PDE6H: variants seen among roughly 807,000 people sequenced by gnomAD.
PDE6H encodes the protein phosphodiesterase 6H.
PDE6H carries 11 observed loss-of-function variants against 9.2 expected under a neutral mutation model. The ratio of observed to expected loss-of-function variants is 1.19; its 90% CI spans 0.75 to 1.97. The LOEUF is 1.97. Ranked by LOEUF, PDE6H falls within the 30% of genes most tolerant of loss-of-function variation. PDE6H has a pLI of 0.00. For missense variants in PDE6H, 98 were observed against 101.5 expected (o/e 0.97, Z 0.15); for synonymous variants, 36 against 33.6 (o/e 1.07, Z -0.25).
chr12:14,976,642 T>C (rs527545709), intron 1 of PDE6H, among the ~76,000 whole-genome samples: 1 of 151,978 alleles, frequency 6.6e-6, no homozygotes, highest in Non-Finnish European at 1.5e-5. Context: ...TGAGCTATGA[T>C]TGCAATTGCA....
intron 1 of PDE6H, among the ~76,000 whole-genome samples, chr12:14,975,834 T>A (rs1453075603): frequency 1.3e-5 from 2 of 150,920 alleles, no homozygotes; most frequent in Non-Finnish European, 3.0e-5. Flanking sequence ...TGTTTTTTTT[T>A]TTTGGAGACG....
intron 1 of PDE6H, among the ~76,000 whole-genome samples, chr12:14,977,374 AAC>A (rs1210772167): frequency 2.0e-5 from 3 of 152,210 alleles, no homozygotes; most frequent in Admixed American, 2.0e-4. Flanking sequence ...ATGCTCAATA[AAC>A]ATTTAGAGTC....
At chr12:14,980,813 C>A (rs1358700265) in intron 3 of PDE6H, among the ~76,000 whole-genome samples, 1 of 152,178 alleles carries the variant, frequency 6.6e-6, no homozygotes. Flanking sequence ...CTAATTATTT[C>A]ATCTTTCTGT....
intron 3 of PDE6H, among the ~76,000 whole-genome samples, chr12:14,980,908 C>T (rs574676853): frequency 1.3e-5 from 2 of 152,222 alleles, no homozygotes; most frequent in East Asian, 1.9e-4. Flanking sequence ...GCTTTGTGAT[C>T]GTTTCTCAAT....
intron 1 of PDE6H, among the ~76,000 whole-genome samples, chr12:14,976,600 G>GT (rs1864599771): frequency 6.6e-6 from 1 of 152,014 alleles, no homozygotes; most frequent in Admixed American, 6.6e-5. Context: ...GAGGCGGGAG[G>GT]GTCACTTGAG....
chr12:14,977,711 G>A (rs371798793), intron 1 of PDE6H, among the ~76,000 whole-genome samples: 149 of 152,242 alleles, frequency 9.8e-4, no homozygotes, highest in African/African-American at 3.3e-3. Flanking sequence ...TCAATTGTCC[G>A]TTTACACAAC....
intron 1 of PDE6H, among the ~76,000 whole-genome samples, chr12:14,975,812 G>GT (rs369211334): frequency 0.02 from 2,365 of 119,828 alleles, 67 homozygotes; most frequent in African/African-American, 0.069. Flanking sequence ...AATTTCTTTT[G>GT]TTTTTTTTTT....
chr12:14,979,215 A>G lies in PDE6H; in HGVS notation c.171A>G (p.Gly57=). 3 of 1,606,414 alleles carry G rather than the reference A, an allele frequency of 1.9e-6. No individual in the cohort carries two copies. The highest frequency in any genetic ancestry group is 2.6e-6 in the Non-Finnish European group (3 of 1,173,032). ...GDDIPGMEGL[G]TDITVICPWE... is the part of the protein sequence containing the mutation. ...ACATTCCAGGAATGGAGGGGCTAGG[A>G]ACAGGTAAGCCATCCACTGATTTAA... The change falls in exon 3 of 4, where the codon GGA becomes GGG. Residue 57 remains glycine (G), a synonymous_variant. Transcript: ENST00000266395.
At position 14,979,194 on chromosome 12, in the gene PDE6H, T is replaced by C; in HGVS notation, c.150T>C (p.Ile50=). The change falls in exon 3 of 4, where the codon ATT becomes ATC. Residue 50 remains isoleucine (I), a synonymous_variant. Coordinates refer to ENST00000266395, the MANE Select transcript of PDE6H (RefSeq NM_006205.3). The part of the protein sequence containing the change: ...KKGVKGFGDD[I]PGMEGLGTDI... ...TTTTCCATAGATTTGGAGATGACAT[T>C]CCAGGAATGGAGGGGCTAGGAACAG... is the stretch of plus-strand genomic sequence containing the variant. 1 of 1,609,268 alleles carries C rather than the reference T, an allele frequency of 6.2e-7. No homozygotes were observed. The highest frequency in any genetic ancestry group is 8.5e-7 in the Non-Finnish European group (1 of 1,175,640).
Position 14,977,975 on chromosome 12 carries a change from G to A in PDE6H, c.-38G>A, listed in dbSNP as rs1864620958. ...TTTTTATCTTTCACTGTCTAAGGAG[G>A]CTGAAAGGGAAACATCAGCCGCCCG... On this transcript the variant is annotated 5_prime_UTR_variant, in exon 2 of 4. Transcript: ENST00000266395. 5 of 1,605,864 alleles carry A rather than the reference G, an allele frequency of 3.1e-6. No homozygotes were observed. The highest frequency in any genetic ancestry group is 1.7e-6 in the Non-Finnish European group (2 of 1,173,608).
intron 3 of PDE6H, among the ~76,000 whole-genome samples, chr12:14,980,593 A>G (rs187917009): frequency 6.6e-6 from 1 of 152,306 alleles, no homozygotes; most frequent in East Asian, 1.9e-4. Context: ...TTTTCCAGCC[A>G]TGTTATAAAG....
chr12:14,981,289 G>A (rs1403462430), intron 3 of PDE6H, 111 bp from the exon 4 acceptor site: 1 of 794,634 alleles, frequency 1.3e-6, no homozygotes, highest in Non-Finnish European at 2.3e-6. Flanking sequence ...CCAGTCAGGG[G>A]ACAATGAGCA....
chr12:14,976,877 T>C (rs1283765479), intron 1 of PDE6H, among the ~76,000 whole-genome samples: 3 of 152,186 alleles, frequency 2.0e-5, no homozygotes, highest in Non-Finnish European at 4.4e-5. Flanking sequence ...CAAGTTTTGT[T>C]AACTCTTACG....
intron 1 of PDE6H, among the ~76,000 whole-genome samples, chr12:14,976,725 A>G (rs1864601498): frequency 6.6e-6 from 1 of 152,296 alleles, no homozygotes; most frequent in East Asian, 1.9e-4. Context: ...GAATATTAGC[A>G]TAAATCTGCA....
chr12:14,979,587 C>A (rs1183683161), intron 3 of PDE6H, among the ~76,000 whole-genome samples: 1 of 152,172 alleles, frequency 6.6e-6, no homozygotes, highest in Non-Finnish European at 1.5e-5. Flanking sequence ...AGTCTTTTGT[C>A]TGAGGCTACC....
At chr12:14,979,154 A>ATTTC in intron 2 of PDE6H, 25 bp from the exon 3 acceptor site, 1 of 1,572,496 alleles carries the variant, frequency 6.4e-7, no homozygotes, top group Non-Finnish European at 8.8e-7. Flanking sequence ...ATCTCAGCTA[A>ATTTC]TTTCTCCTTT....
chr12:14,975,088 T>A (rs1864572009), intron 1 of PDE6H, among the ~76,000 whole-genome samples: 1 of 152,174 alleles, frequency 6.6e-6, no homozygotes, highest in East Asian at 1.9e-4. Flanking sequence ...CTTAAAACTA[T>A]ATCAGTTTGA....
rs1237827913 is a variant in PDE6H at position 14,981,686 on chromosome 12, G to A, written c.*210G>A. The stretch of plus-strand genomic sequence containing the variant: ...AAAATAGTGGATGCATTTCAAACTT[G>A]ACCACCTTTTCCTACCAGCTAGTTA... On this transcript the variant is annotated 3_prime_UTR_variant, in exon 4 of 4. Transcript: ENST00000266395. The A allele has an allele frequency of 9.8e-6, 6 of 613,716 alleles. No homozygotes were observed. The highest frequency in any genetic ancestry group is 8.8e-6 in the Non-Finnish European group (3 of 342,140). The allele number at this position is 613,716 out of a possible 1,614,324, so 38.0% of individuals were successfully genotyped here.
At chr12:14,980,015 C>T (rs1378848826) in intron 3 of PDE6H, among the ~76,000 whole-genome samples, 1 of 152,126 alleles carries the variant, frequency 6.6e-6, no homozygotes, top group East Asian at 1.9e-4. Context: ...GTTTTTATCC[C>T]TTGTGTTGTA....
Sources: gnomAD v4.1 joint callset for allele counts (sites outside exome capture counted in the v4.1 genomes callset) on GRCh38, gnomAD v4.1.1 for gene constraint, MANE v1.5 for transcripts, NCBI Gene and HGNC (gene_info 2026-07-23, HGNC 2026-07-21) for gene names.